The following PSMC6 variants were observed in gnomAD, a reference collection of about 807,000 sequenced individuals.
The protein encoded by PSMC6 is proteasome 26S subunit, ATPase 6.
Under a neutral mutation model 55.9 loss-of-function variants are expected in PSMC6, and 3 were observed. That is an observed-to-expected ratio of 0.05 (90% confidence interval 0.02 to 0.14). The LOEUF (loss-of-function observed/expected upper bound fraction) is 0.14, where lower values mean the gene tolerates loss of function less well. Ranked by LOEUF, PSMC6 falls within the 10% of genes least tolerant of loss-of-function variation. The pLI, the probability that PSMC6 is intolerant of heterozygous loss-of-function variation, is 1.00. For missense variants in PSMC6, 210 were observed against 478.7 expected (o/e 0.44, Z 5.24); for synonymous variants, 137 against 155.9 (o/e 0.88, Z 0.90).
At chr14:52,718,939 A>C (rs2041860035) in intron 9 of PSMC6, 38 bp from the exon 10 acceptor site, 1 of 1,473,042 alleles carries the variant, frequency 6.8e-7, no homozygotes, top group Non-Finnish European at 9.5e-7. Flanking sequence ...GTAGAGGAAA[A>C]GAGTAATGCA....
chr14:52,708,921 AC>A (rs1215218147), intron 4 of PSMC6, 105 bp downstream of exon 4: 1 of 1,497,100 alleles, frequency 6.7e-7, no homozygotes, highest in Non-Finnish European at 9.0e-7. Flanking sequence ...TATGCCCATA[AC>A]TCACAAGGAT....
intron 1 of PSMC6, among the ~76,000 whole-genome samples, chr14:52,708,070 G>T (rs188846206): frequency 2.0e-5 from 3 of 152,286 alleles, no homozygotes; most frequent in Admixed American, 6.5e-5. Flanking sequence ...CTTAAGATGT[G>T]CTTAAACAAG....
rs377094174 is a variant in PSMC6, at chr14:52,718,296, A to G, written c.659A>G (p.Asn220Ser). The G allele has an allele frequency of 3.1e-6, 5 of 1,612,778 alleles. No individual in the cohort carries two copies. The African/African-American group carries it at 6.7e-5, about 22-fold the overall frequency. ...GCTCGTTTGATCAGAGAAATGTTTA[A>G]TTATGCTAGAGATCATCAACCATGC... ...ESARLIREMF[N>S]YARDHQPCII... The change falls in exon 9 of 14, where the codon AAT becomes AGT. Residue 220 changes from asparagine (N) to serine (S), a missense_variant. Physicochemically the swap from Asn to Ser is conservative, Grantham distance 46 (BLOSUM62 1). Around this residue, in one of 4 missense-constraint regions of PSMC6, gnomAD observed 101 missense variants for 250.4 expected, o/e 0.40. Coordinates refer to ENST00000445930, the MANE Select transcript of PSMC6 (RefSeq NM_002806.5).
intron 10 of PSMC6, among the ~76,000 whole-genome samples, chr14:52,719,383 G>A (rs2041864758): frequency 2.0e-5 from 3 of 152,274 alleles, no homozygotes; most frequent in African/African-American, 4.8e-5. Context: ...CAATAAATGA[G>A]CTATAATTAT....
At position 52,708,431 on chromosome 14, in the gene PSMC6, C is replaced by T. The variant is rs941211069; in HGVS notation, c.165+43C>T. ...GGGAATAGGGGGTGATGGTAATTTGCTTTTTTATTTAGCTGTTGCCAAAAA... is the reference window on the plus strand; with the variant it reads ...GGGAATAGGGGGTGATGGTAATTTGTTTTTTTATTTAGCTGTTGCCAAAAA... On this transcript the variant is annotated intron_variant, in intron 2 of 13. Transcript: ENST00000445930. 1.2e-5 allele frequency: 20 copies of T among 1,612,660 alleles called. No individual in the cohort carries two copies. The African/African-American group carries it at 2.1e-4, about 17-fold the overall frequency.
rs71444775 is a variant in PSMC6 at position 52,720,367 on chromosome 14, CAAAAAAAAAAAAAAAAA to C, written c.778-480_778-464del. 2.2e-4 allele frequency among the ~76,000 whole-genome samples: 9 copies of C among 41,482 alleles called. 1 individual carries two copies. Among genetic ancestry groups the C allele is most frequent in the East Asian group, 7.0e-4 (1 of 1,436 alleles). The allele number at this position is 41,482 out of a possible 152,430, so 27.2% of individuals were successfully genotyped here. A position where few individuals can be genotyped will look rare whatever the true frequency, so the allele number is the denominator to read the frequency against. On this transcript the variant is annotated intron_variant, in intron 10 of 13. Transcript: ENST00000445930. Reference sequence around the variant, plus strand: ...TGGGTGACAGAGTGAAACTCTGTCTCAAAAAAAAAAAAAAAAAAAAAAAAAAAAAATTATCAGTTTAT... The same window carrying C: ...TGGGTGACAGAGTGAAACTCTGTCTCAAAAAAAAAAAAATTATCAGTTTAT...
Position 52,723,962 on chromosome 14 carries a change from C to T in PSMC6, c.980-3C>T. The stretch of plus-strand genomic sequence containing the variant: ...ACTAATTTCCAGTATTTTTTCTAAA[C>T]AGATTATGAAGCAATTGTGAAGCTT... On this transcript the variant is annotated splice_region_variant and splice_polypyrimidine_tract_variant and intron_variant, in intron 12 of 13. Coordinates refer to ENST00000445930, the MANE Select transcript of PSMC6 (RefSeq NM_002806.5). 1 of 1,611,844 alleles carries T rather than the reference C, an allele frequency of 6.2e-7. No individual in the cohort carries two copies. The highest frequency in any genetic ancestry group is 8.5e-7 in the Non-Finnish European group (1 of 1,179,180).
In PSMC6 at chr14:52,722,374, C is replaced by CT. The variant is rs76724270; in HGVS notation, c.979+1200dup. On this transcript the variant is annotated intron_variant, in intron 12 of 13. Transcript: ENST00000445930. ...TGGAAGAGTTTATGACCCCCCTGCCCTTTTTTTTTTTTTTTTAATAATGCT... is the reference window on the plus strand; with the variant it reads ...TGGAAGAGTTTATGACCCCCCTGCCCTTTTTTTTTTTTTTTTTAATAATGCT... 1,346 of 136,740 alleles carry CT rather than the reference C, an allele frequency of 9.8e-3. 15 individuals are homozygous for CT. The highest frequency in any genetic ancestry group is 0.029 in the African/African-American group (1,074 of 37,340). 8.5% of individuals were successfully genotyped at this position (136,740 alleles called of 1,614,324 possible). A position where few individuals can be genotyped will look rare whatever the true frequency, so the allele number is the denominator to read the frequency against.
At chr14:52,709,735 G>GT in intron 4 of PSMC6, 1 of 281,400 alleles carries the variant, frequency 3.6e-6, no homozygotes, top group Admixed American at 5.2e-5. Flanking sequence ...TTAGATTTTG[G>GT]CTTTTTTTTT....
chr14:52,728,584 C>G lies in PSMC6; in HGVS notation c.*967C>G, dbSNP rs867839967. 1 of 152,120 alleles carries G rather than the reference C, an allele frequency of 6.6e-6. No individual in the cohort carries two copies. Among genetic ancestry groups the G allele is most frequent in the Non-Finnish European group, 1.5e-5 (1 of 68,014 alleles). The allele number at this position is 152,120 out of a possible 1,614,324, so 9.4% of individuals were successfully genotyped here. ...TATCATCTGGCAATAAAAGCTATAA[C>G]AAAGTACACAAAGGAATCATCATTG... On this transcript the variant is annotated 3_prime_UTR_variant, in exon 14 of 14. Transcript: ENST00000445930.
rs185518669 is a variant in PSMC6 at position 52,710,789 on chromosome 14, G to A, written c.259-312G>A. 125 of 347,468 alleles carry A rather than the reference G, an allele frequency of 3.6e-4. 1 individual carries two copies. Among genetic ancestry groups the A allele is most frequent in the Admixed American group, 6.4e-4 (14 of 21,992 alleles). The allele number at this position is 347,468 out of a possible 1,614,324, so 21.5% of individuals were successfully genotyped here. ...TTCCTTTCCCTAAAATGTTCACTAAGGGATTTTTCTATAAATGCTTTGGTA... is the reference window on the plus strand; with the variant it reads ...TTCCTTTCCCTAAAATGTTCACTAAAGGATTTTTCTATAAATGCTTTGGTA... On this transcript the variant is annotated intron_variant, in intron 4 of 13. Coordinates refer to ENST00000445930, the MANE Select transcript of PSMC6 (RefSeq NM_002806.5).
chr14:52,719,167 G>A, intron 10 of PSMC6, 129 bp downstream of exon 10: 2 of 869,280 alleles, frequency 2.3e-6, no homozygotes, highest in Non-Finnish European at 3.5e-6. Flanking sequence ...AATATTGTCA[G>A]GAACAAACAT....
rs755146611 is a variant in PSMC6 at position 52,718,061 on chromosome 14, A to G, written c.530-20A>G. On this transcript the variant is annotated intron_variant, in intron 7 of 13. Transcript: ENST00000445930. ...TTTTCTACCTTACCATCTAATTAAG[A>G]CTTCTTTTGTCATTCTTAGGTACGG... 50 of 1,610,148 alleles carry G rather than the reference A, an allele frequency of 3.1e-5. No individual in the cohort carries two copies. The highest frequency in any genetic ancestry group is 4.2e-5 in the Non-Finnish European group (50 of 1,178,554).
chr14:52,713,911 T>A lies in PSMC6; in HGVS notation c.472T>A (p.Leu158Ile). ...VIELPLTNPE[L>I]FQRVGIIPPK... ...AGAATTACCTCTTACAAACCCAGAGTTATTTCAGCGTGTAGGAATAATACC... is the reference window on the plus strand; with the variant it reads ...AGAATTACCTCTTACAAACCCAGAGATATTTCAGCGTGTAGGAATAATACC... Residue 158 changes from leucine to isoleucine, a missense_variant, in exon 7 of 14, where the codon TTA becomes ATA. Leu to Ile is a conservative substitution (Grantham distance 5, BLOSUM62 2). Around this residue, in one of 4 missense-constraint regions of PSMC6, gnomAD observed 101 missense variants for 250.4 expected, o/e 0.40. Coordinates refer to ENST00000445930, the MANE Select transcript of PSMC6 (RefSeq NM_002806.5). 1.4e-5 allele frequency: 22 copies of A among 1,600,534 alleles called. No individual in the cohort carries two copies. Among genetic ancestry groups the A allele is most frequent in the Non-Finnish European group, 1.9e-5 (22 of 1,170,582 alleles).
rs1594856974 is a variant in PSMC6 at position 52,727,813 on chromosome 14, T to C, written c.*196T>C. On this transcript the variant is annotated 3_prime_UTR_variant, in exon 14 of 14. Transcript: ENST00000445930. The stretch of plus-strand genomic sequence containing the variant: ...GTATGTTTGTTAAAGTTGCATTTAT[T>C]GCAGCAAGTTACAAAGGGAAAGTGT... 1 of 432,280 alleles carries C rather than the reference T, an allele frequency of 2.3e-6. No homozygotes were observed. The highest frequency in any genetic ancestry group is 4.2e-6 in the Non-Finnish European group (1 of 240,784). The allele number at this position is 432,280 out of a possible 1,614,324, so 26.8% of individuals were successfully genotyped here.
intron 12 of PSMC6, chr14:52,721,898 TG>T (rs1281810139): frequency 6.6e-6 from 1 of 152,592 alleles, no homozygotes; most frequent in African/African-American, 2.4e-5. Context: ...CCTGATTAGC[TG>T]GGACTACAGG....
Position 52,720,850 on chromosome 14 carries a change from A to C in PSMC6, c.778-11A>C, listed in dbSNP as rs2041883400. ...AGAATTTTTGTAAAATCTGATTCTT[A>C]ATATTCTTAGTTACTGAATCAAATG... On this transcript the variant is annotated splice_polypyrimidine_tract_variant and intron_variant, in intron 10 of 13. Coordinates refer to ENST00000445930, the MANE Select transcript of PSMC6 (RefSeq NM_002806.5). 2 of 1,575,156 alleles carry C rather than the reference A, an allele frequency of 1.3e-6. No homozygotes were observed. The highest frequency in any genetic ancestry group is 1.7e-6 in the Non-Finnish European group (2 of 1,154,388).
intron 13 of PSMC6, 126 bp from the exon 14 acceptor site, chr14:52,727,373 A>G: frequency 1.4e-6 from 1 of 693,600 alleles, no homozygotes; most frequent in South Asian, 2.4e-5. Context: ...AGCAAATTAC[A>G]ACTACTGGCT....
intron 9 of PSMC6, chr14:52,718,695 A>G: frequency 2.4e-6 from 1 of 414,464 alleles, no homozygotes; most frequent in East Asian, 4.7e-5. Flanking sequence ...CTGAGGCACG[A>G]GAATCGCTTG....
Sources: allele counts gnomAD v4.1 joint callset (sites outside exome capture counted in the v4.1 genomes callset), GRCh38; gene constraint gnomAD v4.1.1; regional missense constraint gnomAD v4.1.1; transcripts MANE v1.5; gene names NCBI Gene and HGNC (gene_info 2026-07-23, HGNC 2026-07-21).